Variants in PARD3 observed in about 807,000 individuals in gnomAD.
PARD3 encodes par-3 family cell polarity regulator.
Under a neutral mutation model 155.4 loss-of-function variants are expected in PARD3, and 75 were observed. The ratio of observed to expected loss-of-function variants is 0.48; its 90% confidence interval spans 0.40 to 0.58. The LOEUF is 0.58. Ranked by LOEUF, PARD3 falls within the 20% of genes least tolerant of loss-of-function variation. The pLI is 0.00. For synonymous variants in PARD3, 576 were observed against 610.5 expected (o/e 0.94, Z 0.83); for missense variants, 1,642 against 1,721.7 (o/e 0.95, Z 0.82).
intron 2 of PARD3, among the ~76,000 whole-genome samples, chr10:34,587,768 A>AG (rs1439934436): frequency 1.3e-5 from 2 of 152,132 alleles, no homozygotes; most frequent in African/African-American, 4.8e-5. Flanking sequence ...AACCATGACT[A>AG]GTTAGAAGTA....
At chr10:34,263,108 C>T (rs1331628388) in intron 22 of PARD3, among the ~76,000 whole-genome samples, 1 of 152,248 alleles carries the variant, frequency 6.6e-6, no homozygotes, top group African/African-American at 2.4e-5. Flanking sequence ...ATTTCAATTT[C>T]ATTCCTTGCT....
intron 2 of PARD3, among the ~76,000 whole-genome samples, chr10:34,529,614 T>C (rs898911749): frequency 1.3e-4 from 20 of 152,178 alleles, no homozygotes. Context: ...GCCACTATCA[T>C]GAAACAGTTA....
At chr10:34,341,062 A>G (rs954213387) in intron 16 of PARD3, among the ~76,000 whole-genome samples, 2 of 152,048 alleles carry the variant, frequency 1.3e-5, no homozygotes, top group Non-Finnish European at 2.9e-5. Context: ...TTGGCTCAGT[A>G]GTATCAAATG....
At chr10:34,785,129 G>C (rs1403973421) in intron 1 of PARD3, among the ~76,000 whole-genome samples, 1 of 152,210 alleles carries the variant, frequency 6.6e-6, no homozygotes, top group East Asian at 1.9e-4. Flanking sequence ...GACGATTACA[G>C]GGAAAATAAT....
At chr10:34,413,214 A>G (rs1340161946) in intron 5 of PARD3, among the ~76,000 whole-genome samples, 1 of 151,864 alleles carries the variant, frequency 6.6e-6, no homozygotes, top group African/African-American at 2.4e-5. Flanking sequence ...ATAAGAAACT[A>G]AAGTCAATTT....
chr10:34,745,970 C>T (rs960003154), intron 1 of PARD3, among the ~76,000 whole-genome samples: 6 of 151,998 alleles, frequency 3.9e-5, no homozygotes, highest in African/African-American at 1.2e-4. Flanking sequence ...GGCATGGTGG[C>T]GAGCGCCTGT....
intron 5 of PARD3, among the ~76,000 whole-genome samples, chr10:34,449,775 C>T (rs2076960658): frequency 6.6e-6 from 1 of 152,148 alleles, no homozygotes; most frequent in South Asian, 2.1e-4. Context: ...GGTGGCTGCA[C>T]TGCACAGTGA....
chr10:34,644,135 C>T (rs1358262968), intron 2 of PARD3, among the ~76,000 whole-genome samples: 1 of 152,128 alleles, frequency 6.6e-6, no homozygotes, highest in African/African-American at 2.4e-5. Flanking sequence ...ACAGAAGAGA[C>T]TAGAAACAAA....
chr10:34,234,634 G>T (rs1953119714), intron 22 of PARD3, among the ~76,000 whole-genome samples: 1 of 152,000 alleles, frequency 6.6e-6, no homozygotes, highest in Non-Finnish European at 1.5e-5. Flanking sequence ...TCAGCACCTT[G>T]ATTATGCTCT....
At chr10:34,427,125 T>C (rs1252474023) in intron 5 of PARD3, among the ~76,000 whole-genome samples, 2 of 152,188 alleles carry the variant, frequency 1.3e-5, no homozygotes, top group Non-Finnish European at 2.9e-5. Flanking sequence ...CATGTGTGTT[T>C]GAACAATATG....
chr10:34,119,594 C>T lies in PARD3; in HGVS notation c.3668+19G>A, dbSNP rs373956218. The T allele has an allele frequency of 5.7e-6, 9 of 1,579,978 alleles. No homozygotes were observed. The highest frequency in any genetic ancestry group is 5.6e-5 in the South Asian group (5 of 89,016). ...AAAGGGCCGGGGGGATCTGGAGGCT[C>T]GGCCAAGCGTCCTCATACCGAGGCA... is the stretch of plus-strand genomic sequence containing the variant. On this transcript the variant is annotated intron_variant, in intron 24 of 24. Coordinates refer to ENST00000374788, the MANE Select transcript of PARD3 (RefSeq NM_001184785.2).
At position 34,424,861 on chromosome 10, in the gene PARD3, C is replaced by G. The variant is rs552248790; in HGVS notation, c.715-22944G>C. On this transcript the variant is annotated intron_variant, in intron 5 of 24. Transcript: ENST00000374788. ...AAGACCTATTACATGAGCAATGGCT[C>G]TCTCCTATCAGCAGGCAACTGGGCA... Among the ~76,000 whole-genome samples the G allele has an allele frequency of 9.9e-5, 15 of 152,196 alleles. No individual in the cohort carries two copies. The South Asian group carries it at 3.1e-3, about 32-fold the overall frequency.
chr10:34,439,871 T>A (rs1404521862), intron 5 of PARD3, among the ~76,000 whole-genome samples: 1 of 152,140 alleles, frequency 6.6e-6, no homozygotes, highest in East Asian at 1.9e-4. Flanking sequence ...TTTGTTCAGC[T>A]ATTTAAAAAG....
intron 22 of PARD3, among the ~76,000 whole-genome samples, chr10:34,251,842 C>T (rs1358771873): frequency 2.0e-5 from 3 of 152,184 alleles, no homozygotes; most frequent in Non-Finnish European, 4.4e-5. Flanking sequence ...ATCACACATA[C>T]ATCCCATAAA....
At chr10:34,258,593 G>A (rs1481202865) in intron 22 of PARD3, among the ~76,000 whole-genome samples, 1 of 152,120 alleles carries the variant, frequency 6.6e-6, no homozygotes, top group African/African-American at 2.4e-5. Flanking sequence ...GAAATCTGGG[G>A]CTTATAAAGA....
intron 22 of PARD3, among the ~76,000 whole-genome samples, chr10:34,134,263 C>T (rs1039733858): frequency 2.6e-5 from 4 of 152,206 alleles, no homozygotes; most frequent in African/African-American, 9.6e-5. Context: ...TCCCGAATCT[C>T]ACTGTCATTT....
At chr10:34,325,138 T>G (rs1337212525) in intron 19 of PARD3, among the ~76,000 whole-genome samples, 3 of 152,030 alleles carry the variant, frequency 2.0e-5, no homozygotes, top group African/African-American at 7.3e-5. Flanking sequence ...GCCTCCGAAG[T>G]AGTTGAGATT....
intron 5 of PARD3, among the ~76,000 whole-genome samples, chr10:34,448,796 C>T (rs1174824476): frequency 6.6e-6 from 1 of 151,728 alleles, no homozygotes; most frequent in Non-Finnish European, 1.5e-5. Context: ...CAGAGCAAGA[C>T]CTTATCTCAA....
intron 22 of PARD3, among the ~76,000 whole-genome samples, chr10:34,137,296 C>A (rs1034373777): frequency 6.6e-6 from 1 of 152,128 alleles, no homozygotes; most frequent in Non-Finnish European, 1.5e-5. Flanking sequence ...CTTGCTGGTA[C>A]TGAAGTCGCA....
Sources: allele counts gnomAD v4.1 joint callset (sites outside exome capture counted in the v4.1 genomes callset), GRCh38; gene constraint gnomAD v4.1.1; transcripts MANE v1.5; gene names NCBI Gene and HGNC (gene_info 2026-07-23, HGNC 2026-07-21).